The following PACRG variants were observed in gnomAD, a reference collection of about 807,000 sequenced individuals.
The protein encoded by PACRG is parkin coregulated.
A neutral mutation model predicts 29.7 loss-of-function variants in PACRG; 29 were observed. That is an observed-to-expected ratio of 0.98 (90% CI 0.73 to 1.33). The LOEUF is 1.33. Among genes scored for constraint, PACRG ranks in the 40% most tolerant of loss-of-function variants. PACRG has a pLI of 0.00. For synonymous variants in PACRG, 116 were observed against 118.7 expected (o/e 0.98, Z 0.15); for missense variants, 279 against 316.2 (o/e 0.88, Z 0.89).
intron 2 of PACRG, among the ~76,000 whole-genome samples, chr6:163,018,644 T>A (rs531661639): frequency 4.3e-4 from 65 of 152,328 alleles, no homozygotes; most frequent in African/African-American, 1.5e-3. Context: ...TTATTTTTAT[T>A]TTCAGTGAAG....
In PACRG at chr6:163,269,902, G is replaced by C. The variant is rs1373989874; in HGVS notation, c.614-44925G>C. Among the ~76,000 whole-genome samples the C allele has an allele frequency of 1.2e-4, 8 of 64,070 alleles. 2 individuals carry two copies. Among genetic ancestry groups the C allele is most frequent in the African/African-American group, 7.4e-4 (8 of 10,758 alleles). The allele number at this position is 64,070 out of a possible 152,430, so 42.0% of individuals were successfully genotyped here. A position where few individuals can be genotyped will look rare whatever the true frequency, so the allele number is the denominator to read the frequency against. The stretch of plus-strand genomic sequence containing the variant: ...GAAAGAAAGAAAGAAAACAAAGAAA[G>C]AAAGAAAGAAAGAAAGAAAGAAAGA... On this transcript the variant is annotated intron_variant, in intron 4 of 4. Transcript: ENST00000366888.
chr6:163,078,786 C>T (rs1490632934), intron 3 of PACRG, among the ~76,000 whole-genome samples: 16 of 152,116 alleles, frequency 1.1e-4, no homozygotes, highest in East Asian at 1.9e-4. Context: ...CAAAAGTTGC[C>T]GTGAAACCCC....
At chr6:162,796,202 T>C (rs1240036212) in intron 1 of PACRG, among the ~76,000 whole-genome samples, 3 of 152,200 alleles carry the variant, frequency 2.0e-5, no homozygotes, top group Non-Finnish European at 4.4e-5. Context: ...GGTTCTGAGA[T>C]TGGAGCTTTA....
intron 1 of PACRG, among the ~76,000 whole-genome samples, chr6:162,732,046 A>G (rs1779810759): frequency 6.6e-6 from 1 of 152,194 alleles, no homozygotes; most frequent in Non-Finnish European, 1.5e-5. Context: ...GAAGGAGGAA[A>G]GTGGAAGCAG....
chr6:163,150,933 G>A (rs1471954982), intron 4 of PACRG, among the ~76,000 whole-genome samples: 1 of 152,132 alleles, frequency 6.6e-6, no homozygotes, highest in East Asian at 1.9e-4. Flanking sequence ...TGTTTGCTCT[G>A]CCCGGGAACT....
chr6:162,928,949 C>A (rs1296133595), intron 2 of PACRG, among the ~76,000 whole-genome samples: 1 of 151,954 alleles, frequency 6.6e-6, no homozygotes, highest in Non-Finnish European at 1.5e-5. Flanking sequence ...GACAGGATTT[C>A]ATCCTTTTTT....
At chr6:163,010,164 A>G (rs917427393) in intron 2 of PACRG, among the ~76,000 whole-genome samples, 1 of 152,214 alleles carries the variant, frequency 6.6e-6, no homozygotes, top group Non-Finnish European at 1.5e-5. Flanking sequence ...AAACGACTGT[A>G]AAGTGATCCA....
intron 2 of PACRG, among the ~76,000 whole-genome samples, chr6:162,898,403 G>C (rs1390969806): frequency 6.6e-6 from 1 of 152,184 alleles, no homozygotes; most frequent in Non-Finnish European, 1.5e-5. Context: ...AATATACCTT[G>C]TCTACCGGAA....
intron 2 of PACRG, among the ~76,000 whole-genome samples, chr6:162,903,564 C>T (rs1444736515): frequency 1.3e-5 from 2 of 152,098 alleles, no homozygotes; most frequent in African/African-American, 4.8e-5. Context: ...ATAAAACCAT[C>T]AGATCTCATG....
At chr6:162,900,958 G>C (rs969500784) in intron 2 of PACRG, among the ~76,000 whole-genome samples, 2 of 152,060 alleles carry the variant, frequency 1.3e-5, no homozygotes, top group Non-Finnish European at 2.9e-5. Context: ...CTTCAACTAC[G>C]CATCCCGTCT....
chr6:162,801,374 G>T (rs1048582014), intron 1 of PACRG, among the ~76,000 whole-genome samples: 8 of 152,080 alleles, frequency 5.3e-5, no homozygotes, highest in East Asian at 1.9e-4. Context: ...CTCCCAAAAT[G>T]CTGGGATTAT....
chr6:163,250,077 A>G (rs1247999938), intron 4 of PACRG, among the ~76,000 whole-genome samples: 1 of 152,216 alleles, frequency 6.6e-6, no homozygotes, highest in Non-Finnish European at 1.5e-5. Flanking sequence ...TCATAAGGTG[A>G]TAGACACATT....
chr6:163,197,511 T>G (rs1162622009), intron 4 of PACRG, among the ~76,000 whole-genome samples: 2 of 145,628 alleles, frequency 1.4e-5, no homozygotes, highest in Non-Finnish European at 3.0e-5. Flanking sequence ...TGGCGCGATC[T>G]CGGCTCACTG....
At chr6:163,231,549 T>C (rs1238180308) in intron 4 of PACRG, among the ~76,000 whole-genome samples, 1 of 152,130 alleles carries the variant, frequency 6.6e-6, no homozygotes, top group Non-Finnish European at 1.5e-5. Context: ...TCAGCAACTT[T>C]GCAGGTCTTC....
chr6:162,730,133 T>C (rs1779648234), intron 1 of PACRG, among the ~76,000 whole-genome samples: 2 of 144,928 alleles, frequency 1.4e-5, no homozygotes, highest in South Asian at 4.3e-4. Context: ...CAAAGCAAAG[T>C]CCCTGCCCTT....
At chr6:163,295,943 C>T (rs1784765699) in intron 4 of PACRG, among the ~76,000 whole-genome samples, 1 of 152,188 alleles carries the variant, frequency 6.6e-6, no homozygotes, top group Non-Finnish European at 1.5e-5. Context: ...GTCCCATGCC[C>T]TGAGGCCCTG....
At chr6:163,269,891 A>C (rs1783698204) in intron 4 of PACRG, among the ~76,000 whole-genome samples, 1 of 21,436 alleles carries the variant, frequency 4.7e-5, no homozygotes, top group East Asian at 1.7e-3. Flanking sequence ...GAAAGAAAGA[A>C]AACAAAGAAA....
At chr6:162,823,154 T>G (rs1787982713) in intron 2 of PACRG, among the ~76,000 whole-genome samples, 1 of 152,170 alleles carries the variant, frequency 6.6e-6, no homozygotes, top group Admixed American at 6.5e-5. Flanking sequence ...CTAGCCTGAT[T>G]TTATTCCTTT....
rs1230898257 is a variant in PACRG, at chr6:162,892,682, C to T, written c.291+78401C>T. Among the ~76,000 whole-genome samples, 15 of 152,294 alleles carry T rather than the reference C, an allele frequency of 9.8e-5. No individual in the cohort carries two copies. The East Asian group carries it at 2.7e-3, about 28-fold the overall frequency. ...AGAGCTCCGCCCCCTGACCCCCCTA[C>T]AGTGGTTCACACAGGCCAAAATGGT... is the stretch of plus-strand genomic sequence containing the variant. On this transcript the variant is annotated intron_variant, in intron 2 of 4. Transcript: ENST00000366888.
Sources: allele counts gnomAD v4.1 joint callset (sites outside exome capture counted in the v4.1 genomes callset), GRCh38; gene constraint gnomAD v4.1.1; transcripts MANE v1.5; gene names NCBI Gene and HGNC (gene_info 2026-07-23, HGNC 2026-07-21).